The following DRAM2 variants were observed in gnomAD, a reference collection of about 807,000 sequenced individuals.
DRAM2 encodes the protein DNA damage-regulated autophagy modulator protein 2.
A neutral mutation model predicts 33.5 loss-of-function variants in DRAM2; 26 were observed. The ratio of observed to expected loss-of-function variants is 0.78; its 90% CI spans 0.57 to 1.08. The LOEUF is 1.08. Among genes scored for constraint, DRAM2 ranks in the 50% least tolerant of loss-of-function variants. The probability of loss-of-function intolerance (pLI) is 0.00; values close to 1 mark genes in which losing one functional copy is unlikely to be tolerated. For synonymous variants in DRAM2, 98 were observed against 109.5 expected, an observed-to-expected ratio of 0.89 and a Z score of 0.66; for missense variants, 311 against 318.1, an observed-to-expected ratio of 0.98 and a Z score of 0.17.
intron 4 of DRAM2, among the ~76,000 whole-genome samples, chr1:111,129,520 A>C (rs1483592451): frequency 6.6e-6 from 1 of 152,220 alleles, no homozygotes; most frequent in South Asian, 2.1e-4. Flanking sequence ...ATAGCTCAGA[A>C]ACCATTCATA....
At chr1:111,132,103 T>C (rs1036069267) in intron 3 of DRAM2, among the ~76,000 whole-genome samples, 6 of 152,190 alleles carry the variant, frequency 3.9e-5, no homozygotes, top group African/African-American at 1.4e-4. Context: ...AAGGCATAAT[T>C]AGAGGGTTGG....
chr1:111,133,015 T>G (rs536601516), intron 3 of DRAM2, among the ~76,000 whole-genome samples: 15 of 152,150 alleles, frequency 9.9e-5, no homozygotes, highest in African/African-American at 2.9e-4. Context: ...CCTCCAGTCT[T>G]GACCAAACCA....
intron 3 of DRAM2, among the ~76,000 whole-genome samples, chr1:111,134,215 A>AT (rs1320845117): frequency 6.6e-6 from 1 of 152,100 alleles, no homozygotes; most frequent in African/African-American, 2.4e-5. Flanking sequence ...AATTTTTTTA[A>AT]TTTTTAAAAA....
At chr1:111,136,395 T>C (rs892582267) in intron 3 of DRAM2, among the ~76,000 whole-genome samples, 1 of 151,980 alleles carries the variant, frequency 6.6e-6, no homozygotes, top group African/African-American at 2.4e-5. Context: ...TGAAACCCAG[T>C]CTCTACTAAA....
In DRAM2 at chr1:111,132,251, G is replaced by A. The variant is rs79539457; in HGVS notation, c.-14-683C>T. 8.3e-3 allele frequency among the ~76,000 whole-genome samples: 1,258 copies of A among 152,274 alleles called. 17 individuals are homozygous for A. Among genetic ancestry groups the A allele is most frequent in the African/African-American group, 0.028 (1,166 of 41,530 alleles). On this transcript the variant is annotated intron_variant, in intron 3 of 9. Transcript: ENST00000484310. ...AGAGCTTCTAGATAGCCAAACATGC[G>A]GAGGTTCCTGAAGGATGGCATACCC...
intron 2 of DRAM2, among the ~76,000 whole-genome samples, chr1:111,137,909 GATT>G (rs1236214369): frequency 6.6e-6 from 1 of 152,142 alleles, no homozygotes; most frequent in Non-Finnish European, 1.5e-5. Context: ...AAAAATAATA[GATT>G]ATTAAGCAAA....
chr1:111,126,635 TA>T (rs1651072060), intron 4 of DRAM2, among the ~76,000 whole-genome samples: 1 of 125,298 alleles, frequency 8.0e-6, no homozygotes, highest in Non-Finnish European at 1.7e-5. Context: ...GAATATTCCC[TA>T]AACACCACAG....
Position 111,131,504 on chromosome 1 carries a change from A to G in DRAM2, c.51T>C (p.Ile17=). The change falls in exon 4 of 10, where the codon ATT becomes ATC. Residue 17 remains isoleucine, a synonymous_variant. Coordinates refer to ENST00000484310, the MANE Select transcript of DRAM2 (RefSeq NM_001349884.2). ...GLSFLPSALV[I]WTSAAFIFSY... ...AAAATATGAAAGCAGCAGATGTCCA[A>G]ATTACAAGGGCTGAAGGAAGGAAAC... 3.1e-6 allele frequency: 5 copies of G among 1,614,210 alleles called. No homozygotes were observed. The highest frequency in any genetic ancestry group is 4.2e-6 in the Non-Finnish European group (5 of 1,180,018).
Position 111,121,473 on chromosome 1 carries a change from G to A in DRAM2, c.340-780C>T, listed in dbSNP as rs555831504. ...GTCACCCAGTTTGATATTTTATTAT[G>A]GCAGCACTAGAAAATTAATACAGAT... is the stretch of plus-strand genomic sequence containing the variant. On this transcript the variant is annotated intron_variant, in intron 6 of 9. Transcript: ENST00000484310. 1.7e-3 allele frequency among the ~76,000 whole-genome samples: 253 copies of A among 152,074 alleles called. 1 individual carries two copies. The highest frequency in any genetic ancestry group is 5.9e-3 in the African/African-American group (244 of 41,486).
rs978573671 is a variant in DRAM2 at position 111,124,872 on chromosome 1, G to A, written c.209C>T (p.Thr70Ile). The A allele has an allele frequency of 1.2e-6, 2 of 1,610,722 alleles. No homozygotes were observed. The change falls in exon 6 of 10, where the codon ACC (threonine) becomes ATC (isoleucine). Residue 70 changes from threonine to isoleucine, a missense_variant. By Grantham distance (89) the Thr-to-Ile change is moderately conservative. Transcript: ENST00000484310. ...LNIAAVLCIA[T>I]IYVRYKQVHA... ...AACTTGCTTATAACGAACATAAATG[G>A]TAGCAATGCCTGGGAAAAGATAATC...
intron 5 of DRAM2, among the ~76,000 whole-genome samples, 198 bp from the exon 6 acceptor site, chr1:111,125,079 G>A (rs1006356833): frequency 6.6e-6 from 1 of 151,792 alleles, no homozygotes; most frequent in Non-Finnish European, 1.5e-5. Context: ...GTCTCTCTAT[G>A]TTGCACAGGC....
chr1:111,131,112 ATTTT>A (rs1651994468), intron 4 of DRAM2, among the ~76,000 whole-genome samples: 1 of 151,992 alleles, frequency 6.6e-6, no homozygotes, highest in Non-Finnish European at 1.5e-5. Context: ...TGTAGCATTT[ATTTT>A]TTAATTTTAA....
rs1350687341 is a variant in DRAM2 at position 111,118,202 on chromosome 1, AG to A, written c.758del (p.Pro253LeufsTer42). ...GTAGCCGTGTTCGTTCATTGTTAAT[AG>A]GGCAAGGTGCAGTGTCATAGAGGGT... ...GLTLYDTAPC[P>X]INNERTRLLS... On this transcript the variant is annotated frameshift_variant, in exon 10 of 10. Coordinates refer to ENST00000484310, the MANE Select transcript of DRAM2 (RefSeq NM_001349884.2). LOFTEE classifies it high-confidence loss of function. The A allele has an allele frequency of 1.2e-6, 2 of 1,613,100 alleles. No individual in the cohort carries two copies. The highest frequency in any genetic ancestry group is 2.7e-5 in the African/African-American group (2 of 74,872).
intron 4 of DRAM2, among the ~76,000 whole-genome samples, chr1:111,128,770 T>G (rs1472199028): frequency 6.6e-6 from 1 of 152,178 alleles, no homozygotes; most frequent in East Asian, 1.9e-4. Flanking sequence ...CAATCTGTGG[T>G]TGATTGGATG....
chr1:111,123,438 T>C (rs1454718964), intron 6 of DRAM2, among the ~76,000 whole-genome samples: 1 of 152,186 alleles, frequency 6.6e-6, no homozygotes, highest in East Asian at 1.9e-4. Flanking sequence ...TCCTGACTTC[T>C]GGGTTGCCAT....
chr1:111,136,514 G>A (rs1005664304), intron 3 of DRAM2, among the ~76,000 whole-genome samples: 1 of 152,018 alleles, frequency 6.6e-6, no homozygotes, highest in Non-Finnish European at 1.5e-5. Flanking sequence ...GACCCAGGGA[G>A]GCAGAGGTTG....
chr1:111,136,831 G>A (rs564377161), intron 3 of DRAM2, among the ~76,000 whole-genome samples: 31 of 151,960 alleles, frequency 2.0e-4, no homozygotes, highest in Middle Eastern at 3.4e-3. Context: ...AAAATTAGCC[G>A]GGGGTGATGG....
intron 3 of DRAM2, among the ~76,000 whole-genome samples, chr1:111,136,990 G>C (rs528064016): frequency 6.7e-6 from 1 of 150,252 alleles, no homozygotes; most frequent in African/African-American, 2.5e-5. Context: ...ACGGTGGCTC[G>C]CGCCTGTAAT....
At chr1:111,121,685 T>G (rs1650081396) in intron 6 of DRAM2, among the ~76,000 whole-genome samples, 2 of 152,090 alleles carry the variant, frequency 1.3e-5, no homozygotes, top group African/African-American at 4.8e-5. Flanking sequence ...CTTATAGCAA[T>G]TATTAGGCAT....
Sources: allele counts gnomAD v4.1 joint callset (sites outside exome capture counted in the v4.1 genomes callset), GRCh38; gene constraint gnomAD v4.1.1; transcripts MANE v1.5; gene names NCBI Gene and HGNC (gene_info 2026-07-23, HGNC 2026-07-21).